Variants in LAMA5 observed in about 807,000 individuals in gnomAD.
LAMA5 encodes laminin subunit alpha 5.
A neutral mutation model predicts 433.4 loss-of-function variants in LAMA5; 260 were observed. The ratio of observed to expected loss-of-function variants is 0.60; its 90% CI spans 0.54 to 0.66. The LOEUF (loss-of-function observed/expected upper bound fraction) is 0.66. LAMA5 is among the 30% of genes least tolerant of loss of function. The pLI is 0.00. For synonymous variants in LAMA5, 2,620 were observed against 2,226.6 expected, an observed-to-expected ratio of 1.18 and a Z score of -4.97; for missense variants, 5,378 against 5,258.5, an observed-to-expected ratio of 1.02 and a Z score of -0.70.
chr20:62,330,719 C>T (rs1426585568), intron 30 of LAMA5, 24 bp downstream of exon 30: 8 of 1,556,054 alleles, frequency 5.1e-6, no homozygotes, highest in Non-Finnish European at 7.0e-6. Flanking sequence ...ACACCCCCGT[C>T]CCTCTAGAGA....
At chr20:62,352,418 C>T (rs1004959015) in intron 3 of LAMA5, 58 bp from the exon 4 acceptor site, 134 of 1,400,384 alleles carry the variant, frequency 9.6e-5, no homozygotes, top group Non-Finnish European at 1.1e-4. Flanking sequence ...TGGGTCCCCG[C>T]GGTGCCCGGG....
chr20:62,311,816 T>TGGGCG, intron 70 of LAMA5, 32 bp from the exon 71 acceptor site: 1 of 1,521,004 alleles, frequency 6.6e-7, no homozygotes, highest in Non-Finnish European at 8.9e-7. Flanking sequence ...GCTCGGTTTT[T>TGGGCG]CCCCACCCTG....
At chr20:62,309,603 T>TGGGAGGAGGGCGGGAGGGGGCAGG (rs1985905175) in intron 79 of LAMA5, 113 bp downstream of exon 79, 2 of 284,366 alleles carry the variant, frequency 7.0e-6, no homozygotes. Context: ...GGTAGGGGGG[T>TGGGAGGAGGGCGGGAGGGGGCAGG]GGGAGGAGGG....
chr20:62,317,321 G>A, intron 55 of LAMA5, 24 bp downstream of exon 55: 1 of 1,588,468 alleles, frequency 6.3e-7, no homozygotes, highest in Admixed American at 1.7e-5. Context: ...TGGGCCCAGG[G>A]CCCCTCCTCT....
rs373759191 is a variant in LAMA5, at chr20:62,351,677, CGGGGCCTCACCTGAAT to C, written c.956+11_956+26del. ...GGAGCTGGGGGGGGCCTCACCTGAA[CGGGGCCTCACCTGAAT>C]GGGGCCTCACCTGAACGGGTCCGTG... On this transcript the variant is annotated intron_variant, in intron 6 of 79. Transcript: ENST00000252999. 4.3e-3 allele frequency: 6,814 copies of C among 1,601,010 alleles called. 42 individuals are homozygous for C. Among genetic ancestry groups the C allele is most frequent in the African/African-American group, 0.025 (1,872 of 74,892 alleles).
Position 62,311,717 on chromosome 20 carries a change from G to A in LAMA5, c.9703C>T (p.Gln3235Ter). Residue 3235 changes from glutamine to a stop codon, truncating the protein, a stop_gained, in exon 71 of 80, where the codon CAG becomes TAG. Coordinates refer to ENST00000252999, the MANE Select transcript of LAMA5 (RefSeq NM_005560.6). LOFTEE classifies it high-confidence loss of function. ...CTCGGGGGCCCCTCAGGCTGCGGCTGGAGCTCGGGGGGTGGTCCCCGGTGG... is the reference window on the plus strand; with the variant it reads ...CTCGGGGGCCCCTCAGGCTGCGGCTAGAGCTCGGGGGGTGGTCCCCGGTGG... ...KPHRGPPPEL[Q>*]PQPEGPPRLL... 4 of 1,564,870 alleles carry A rather than the reference G, an allele frequency of 2.6e-6. No individual in the cohort carries two copies. Among genetic ancestry groups the A allele is most frequent in the Non-Finnish European group, 2.6e-6 (3 of 1,155,834 alleles).
rs750031266 is a variant in LAMA5, at chr20:62,315,213, G to T, written c.7868-6C>A. 5 of 1,598,882 alleles carry T rather than the reference G, an allele frequency of 3.1e-6. No homozygotes were observed. The South Asian group carries it at 3.3e-5, about 11-fold the overall frequency. On this transcript the variant is annotated splice_region_variant and splice_polypyrimidine_tract_variant and intron_variant, in intron 58 of 79. Transcript: ENST00000252999. ...GATCTTCTTGCTTGTCTCGTCTGTG[G>T]TGGGCAGAGGGCAGGCTCAGCAGGG...
chr20:62,362,525 C>T lies in LAMA5; in HGVS notation c.325G>A (p.Ala109Thr), dbSNP rs1289606137. The part of the protein sequence containing the change: ...RGQYCDICTA[A>T]NSNKAHPASN... ...GCGGGGTGTGCCTTGTTGCTGTTGG[C>T]AGCCGTGCAGATGTCACAGTACTGG... is the stretch of plus-strand genomic sequence containing the variant. Residue 109 changes from alanine (A) to threonine (T), a missense_variant, in exon 2 of 80, where the codon GCC (alanine) becomes ACC (threonine). By Grantham distance (58) the Ala-to-Thr change is moderately conservative. Transcript: ENST00000252999. 6.3e-7 allele frequency: 1 copy of T among 1,598,334 alleles called. No individual in the cohort carries two copies.
rs1297919316 is a variant in LAMA5 at position 62,314,094 on chromosome 20, T to A, written c.8504+210A>T. Among the ~76,000 whole-genome samples the A allele has an allele frequency of 1.2e-3, 2 of 1,668 alleles. 1 individual carries two copies. 1.1% of individuals were successfully genotyped at this position (1,668 alleles called of 152,430 possible). ...GGGCACAGAGACGAGGGGTGGCGAGTGGGCACAGACGGGTGGCGAGTGGGC... is the reference window on the plus strand; with the variant it reads ...GGGCACAGAGACGAGGGGTGGCGAGAGGGCACAGACGGGTGGCGAGTGGGC... On this transcript the variant is annotated intron_variant, in intron 62 of 79. Coordinates refer to ENST00000252999, the MANE Select transcript of LAMA5 (RefSeq NM_005560.6).
chr20:62,353,182 G>A lies in LAMA5; in HGVS notation c.520C>T (p.Arg174Trp), dbSNP rs772450580. ...SPRPDLWVLE[R>W]SMDFGRTYQP... ...TAGGTGCGGCCGAAGTCCATGGACC[G>A]CTCCAGCACCCAGAGGTCCGGCCGG... The change falls in exon 3 of 80, where the codon CGG (arginine) becomes TGG (tryptophan). Residue 174 changes from arginine (R) to tryptophan (W), a missense_variant. Coordinates refer to ENST00000252999, the MANE Select transcript of LAMA5 (RefSeq NM_005560.6). 6.3e-7 allele frequency: 1 copy of A among 1,583,914 alleles called. No homozygotes were observed. The highest frequency in any genetic ancestry group is 1.2e-5 in the South Asian group (1 of 86,726).
In LAMA5 at chr20:62,320,744, G is replaced by A. The variant is rs1047497897; in HGVS notation, c.6643C>T (p.Leu2215=). Residue 2215 remains leucine (L), a synonymous_variant, in exon 49 of 80, where the codon CTG becomes TTG. Transcript: ENST00000252999. ...AAGGCCAGGACGCTCAGTACCTGCA[G>A]GTCAGCGATGGAGGCGTTCAGCCTG... ...LHRLNASIAD[L]QSQLRSPLGP... is the part of the protein sequence containing the mutation. 6.2e-7 allele frequency: 1 copy of A among 1,612,648 alleles called. No individual in the cohort carries two copies. Among genetic ancestry groups the A allele is most frequent in the African/African-American group, 1.3e-5 (1 of 75,066 alleles).
At chr20:62,348,652 TA>T (rs576300804) in intron 6 of LAMA5, among the ~76,000 whole-genome samples, 52 of 150,814 alleles carry the variant, frequency 3.4e-4, no homozygotes, top group African/African-American at 1.1e-3. Context: ...AACATAATAA[TA>T]AAAAAAATAA....
At chr20:62,314,971 C>T (rs925805346) in intron 59 of LAMA5, 24 bp from the exon 60 acceptor site, 3 of 1,581,498 alleles carry the variant, frequency 1.9e-6, no homozygotes, top group Middle Eastern at 1.7e-4. Flanking sequence ...GACCTGAGAC[C>T]TTTGCCCCCC....
chr20:62,367,200 G>T lies in LAMA5; in HGVS notation c.46C>A (p.Pro16Thr), dbSNP rs1986836386. The T allele has an allele frequency of 8.2e-7, 1 of 1,220,582 alleles. No individual in the cohort carries two copies. Among genetic ancestry groups the T allele is most frequent in the South Asian group, 3.2e-5 (1 of 30,922 alleles). 75.6% of individuals were successfully genotyped at this position (1,220,582 alleles called of 1,614,324 possible). A position where few individuals can be genotyped will look rare whatever the true frequency, so the allele number is the denominator to read the frequency against. The change falls in exon 1 of 80, where the codon CCC becomes ACC. Residue 16 changes from proline (P) to threonine (T), a missense_variant. Physicochemically the swap from Pro to Thr is conservative, Grantham distance 38. Coordinates refer to ENST00000252999, the MANE Select transcript of LAMA5 (RefSeq NM_005560.6). ...AGCAGCAGCGGCGCGGGGCCCCGGGGGCCGCGAACACACAGTGCGCTCCCC... is the reference window on the plus strand; with the variant it reads ...AGCAGCAGCGGCGCGGGGCCCCGGGTGCCGCGAACACACAGTGCGCTCCCC... ...CAGSALCVRG[P>T]RGPAPLLLVG...
At position 62,332,622 on chromosome 20, in the gene LAMA5, C is replaced by A; in HGVS notation, c.3378G>T (p.Val1126=). The A allele has an allele frequency of 6.2e-7, 1 of 1,605,974 alleles. No homozygotes were observed. Among genetic ancestry groups the A allele is most frequent in the Non-Finnish European group, 8.5e-7 (1 of 1,176,644 alleles). The change falls in exon 27 of 80, where the codon GTG becomes GTT. Residue 1126 remains valine (V), a synonymous_variant. Coordinates refer to ENST00000252999, the MANE Select transcript of LAMA5 (RefSeq NM_005560.6). The part of the protein sequence containing the change: ...ANEDARQEVG[V]AVHTPQRAPQ... ...GGGCCCGCTGTGGGGTGTGCACGGCCACGCCCACCTCCTGGCGGGCATCCT... is the reference window on the plus strand; with the variant it reads ...GGGCCCGCTGTGGGGTGTGCACGGCAACGCCCACCTCCTGGCGGGCATCCT...
chr20:62,353,508 C>T (rs1298219627), intron 2 of LAMA5, among the ~76,000 whole-genome samples: 2 of 152,210 alleles, frequency 1.3e-5, no homozygotes, highest in Admixed American at 6.5e-5. Context: ...AACGCGCTGC[C>T]TCCTCCCCTT....
chr20:62,338,439 T>C lies in LAMA5; in HGVS notation c.1618+29A>G, dbSNP rs2151512. ...CTCAGGTGTCCACCTCGAGCGCAGGTAGAGGTTGAGCGGGGAGAGGGGACT... is the reference window on the plus strand; with the variant it reads ...CTCAGGTGTCCACCTCGAGCGCAGGCAGAGGTTGAGCGGGGAGAGGGGACT... On this transcript the variant is annotated intron_variant, in intron 12 of 79. Coordinates refer to ENST00000252999, the MANE Select transcript of LAMA5 (RefSeq NM_005560.6). 1,060,449 of 1,605,984 alleles carry C rather than the reference T, an allele frequency of 0.66. 362,222 individuals are homozygous for C. Among genetic ancestry groups the C allele is most frequent in the East Asian group, 0.78 (34,693 of 44,634 alleles).
In LAMA5 at chr20:62,319,715, C is replaced by T. The variant is rs148683446; in HGVS notation, c.6840G>A (p.Ala2280=). ...GGGTGCGGTCCACAGCCCGGATGGC[C>T]GCCAACAGCGTCTTCGCATGGCCCA... is the stretch of plus-strand genomic sequence containing the variant. The part of the protein sequence containing the change: ...ATLGHAKTLL[A]AIRAVDRTLS... The change falls in exon 51 of 80, where the codon GCG becomes GCA. Residue 2280 remains alanine, a synonymous_variant. Transcript: ENST00000252999. 168 of 1,546,690 alleles carry T rather than the reference C, an allele frequency of 1.1e-4. 2 individuals carry two copies. Among genetic ancestry groups the T allele is most frequent in the South Asian group, 1.1e-3 (90 of 84,110 alleles).
At chr20:62,315,343 G>C (rs1301048935) in intron 58 of LAMA5, 136 bp from the exon 59 acceptor site, 4 of 727,884 alleles carry the variant, frequency 5.5e-6, no homozygotes, top group Non-Finnish European at 8.8e-6. Flanking sequence ...ACACCCCGCT[G>C]CTCAGTGCAA....
Sources: allele counts gnomAD v4.1 joint callset (sites outside exome capture counted in the v4.1 genomes callset), GRCh38; gene constraint gnomAD v4.1.1; transcripts MANE v1.5; gene names NCBI Gene and HGNC (gene_info 2026-07-23, HGNC 2026-07-21).